The following CDK14 variants were observed in gnomAD, a reference collection of about 807,000 sequenced individuals.
CDK14 encodes cyclin dependent kinase 14.
A neutral mutation model predicts 60.7 loss-of-function variants in CDK14; 34 were observed. That is an observed-to-expected ratio of 0.56 (90% CI 0.43 to 0.75). The LOEUF (loss-of-function observed/expected upper bound fraction) is 0.75. CDK14 is among the 30% of genes least tolerant of loss of function. CDK14 has a pLI of 0.00. For synonymous variants in CDK14, 197 were observed against 203.7 expected (o/e 0.97, Z 0.28); for missense variants, 482 against 564.1 (o/e 0.85, Z 1.47).
At chr7:91,074,493 G>A (rs768770323) in intron 11 of CDK14, among the ~76,000 whole-genome samples, 2 of 152,126 alleles carry the variant, frequency 1.3e-5, no homozygotes, top group Non-Finnish European at 2.9e-5. Context: ...CTGGGATGCA[G>A]CTAAAGAAGT....
At chr7:90,675,674 CAG>C (rs1254086783) in intron 2 of CDK14, among the ~76,000 whole-genome samples, 1 of 152,092 alleles carries the variant, frequency 6.6e-6, no homozygotes, top group East Asian at 1.9e-4. Context: ...TATATGCAAA[CAG>C]ATATACAAAT....
intron 10 of CDK14, among the ~76,000 whole-genome samples, chr7:91,043,706 G>C (rs1156301478): frequency 6.6e-6 from 1 of 152,104 alleles, no homozygotes; most frequent in Non-Finnish European, 1.5e-5. Context: ...AGTTTGTGTA[G>C]ATCTATCTAT....
intron 5 of CDK14, among the ~76,000 whole-genome samples, chr7:90,816,879 T>G (rs1384353348): frequency 6.6e-6 from 1 of 152,168 alleles, no homozygotes; most frequent in Non-Finnish European, 1.5e-5. Flanking sequence ...TCCCACCATT[T>G]TACAAGAGAA....
At chr7:90,678,150 A>G (rs549673832) in intron 2 of CDK14, among the ~76,000 whole-genome samples, 2 of 152,336 alleles carry the variant, frequency 1.3e-5, no homozygotes, top group African/African-American at 4.8e-5. Context: ...AGAGGCATAT[A>G]ACATAGGGGC....
intron 14 of CDK14, among the ~76,000 whole-genome samples, chr7:91,149,322 T>G (rs559145851): frequency 6.6e-6 from 1 of 151,552 alleles, no homozygotes; most frequent in East Asian, 1.9e-4. Flanking sequence ...CGTTACAGCC[T>G]ATTTCTTCAT....
chr7:90,952,930 AC>A (rs1477005024), intron 8 of CDK14, among the ~76,000 whole-genome samples: 2 of 152,218 alleles, frequency 1.3e-5, no homozygotes, highest in African/African-American at 2.4e-5. Flanking sequence ...CAATATCTTT[AC>A]CAAAAATATT....
In CDK14 at chr7:91,017,360, A is replaced by G. The variant is rs76580777; in HGVS notation, c.1042-28537A>G. 8.0e-3 allele frequency among the ~76,000 whole-genome samples: 1,218 copies of G among 152,338 alleles called. 18 individuals are homozygous for G. Among genetic ancestry groups the G allele is most frequent in the African/African-American group, 0.027 (1,105 of 41,572 alleles). On this transcript the variant is annotated intron_variant, in intron 10 of 14. Coordinates refer to ENST00000380050, the MANE Select transcript of CDK14 (RefSeq NM_001287135.2). ...GAGGATTTCTAGCTGGTGGTTTCTT[A>G]CAGGGCTCAGGACTGGGCCTATGCT...
intron 4 of CDK14, among the ~76,000 whole-genome samples, chr7:90,787,326 A>G (rs1416032842): frequency 8.9e-6 from 1 of 112,592 alleles, no homozygotes; most frequent in Admixed American, 1.1e-4. Flanking sequence ...GCATTCTACA[A>G]ATTCTTAAGG....
chr7:91,108,083 G>A lies in CDK14; in HGVS notation c.1155-4459G>A, dbSNP rs558335996. Among the ~76,000 whole-genome samples the A allele has an allele frequency of 1.1e-4, 17 of 152,264 alleles. No homozygotes were observed. In the South Asian group the frequency reaches 2.7e-3, roughly 24 times the overall value. On this transcript the variant is annotated intron_variant, in intron 12 of 14. Coordinates refer to ENST00000380050, the MANE Select transcript of CDK14 (RefSeq NM_001287135.2). ...AGTACTTTAGGAGGCTGAAGCGGGC[G>A]GATCACTTGAGGTCAGGAGTTCAAG...
intron 2 of CDK14, among the ~76,000 whole-genome samples, chr7:90,700,962 A>G (rs964064577): frequency 2.0e-5 from 3 of 152,228 alleles, no homozygotes; most frequent in Non-Finnish European, 4.4e-5. Flanking sequence ...CACAGAAAAA[A>G]TCTTTCAGTC....
At position 90,659,887 on chromosome 7, in the gene CDK14, G is replaced by GTA. The variant is rs1800833976; in HGVS notation, c.123+55639_123+55640insAT. Among the ~76,000 whole-genome samples, 5 of 146,050 alleles carry GTA rather than the reference G, an allele frequency of 3.4e-5. No individual in the cohort carries two copies. The South Asian group carries it at 1.1e-3, about 32-fold the overall frequency. ...TCTCTCTCTCTCTCTGTGTGTGTGTGTGTGTGTGTGTGTGCACGCACGTGC... is the reference window on the plus strand; with the variant it reads ...TCTCTCTCTCTCTCTGTGTGTGTGTGTATGTGTGTGTGTGTGCACGCACGTGC... On this transcript the variant is annotated intron_variant, in intron 2 of 14. Transcript: ENST00000380050.
chr7:90,783,232 C>T (rs17147202), intron 4 of CDK14, among the ~76,000 whole-genome samples: 66,142 of 151,926 alleles, frequency 0.44, 15,202 homozygotes, highest in East Asian at 0.82. Flanking sequence ...ATATGCCCTT[C>T]CCTCATTTCA....
chr7:91,176,548 T>G (rs1278944466), intron 14 of CDK14, among the ~76,000 whole-genome samples: 1 of 151,644 alleles, frequency 6.6e-6, no homozygotes, highest in Non-Finnish European at 1.5e-5. Flanking sequence ...TCAACAAAAT[T>G]GATAGACTGC....
At chr7:90,739,120 T>C (rs1330342483) in intron 3 of CDK14, among the ~76,000 whole-genome samples, 1 of 152,200 alleles carries the variant, frequency 6.6e-6, no homozygotes, top group African/African-American at 2.4e-5. Flanking sequence ...GGAAAAGTTT[T>C]AGAGAGAATT....
intron 5 of CDK14, among the ~76,000 whole-genome samples, chr7:90,831,558 C>G (rs575667840): frequency 1.2e-4 from 19 of 152,210 alleles, no homozygotes; most frequent in African/African-American, 4.6e-4. Context: ...CTCTTTCAGC[C>G]CCTGTATCTA....
chr7:90,810,506 G>A (rs1395579913), intron 5 of CDK14, among the ~76,000 whole-genome samples: 2 of 152,252 alleles, frequency 1.3e-5, no homozygotes, highest in African/African-American at 4.8e-5. Context: ...CAAACCCACA[G>A]CCAATACCAT....
chr7:90,761,637 C>T (rs1378604124), intron 4 of CDK14, among the ~76,000 whole-genome samples: 3 of 152,110 alleles, frequency 2.0e-5, no homozygotes, highest in African/African-American at 4.8e-5. Context: ...TTTTGGCTTT[C>T]ACAACTTGAG....
chr7:90,949,811 A>T (rs894398660), intron 8 of CDK14, among the ~76,000 whole-genome samples: 3 of 152,232 alleles, frequency 2.0e-5, no homozygotes, highest in African/African-American at 7.2e-5. Context: ...AGGATATTTT[A>T]ATTGTAATCT....
chr7:90,941,874 GA>G (rs1242253429), intron 8 of CDK14, among the ~76,000 whole-genome samples: 2 of 152,146 alleles, frequency 1.3e-5, no homozygotes, highest in Non-Finnish European at 2.9e-5. Flanking sequence ...CTGTAATGTT[GA>G]CCCTTAGGGC....
Sources: gnomAD v4.1 joint callset for allele counts (sites outside exome capture counted in the v4.1 genomes callset) on GRCh38, gnomAD v4.1.1 for gene constraint, MANE v1.5 for transcripts, NCBI Gene and HGNC (gene_info 2026-07-23, HGNC 2026-07-21) for gene names.